Variants in NOM1 observed in about 807,000 individuals in gnomAD.
NOM1 encodes nucleolar MIF4G domain-containing protein 1.
Under a neutral mutation model 73.3 loss-of-function variants are expected in NOM1, and 58 were observed. That is an observed-to-expected ratio of 0.79 (90% confidence interval 0.64 to 0.99). The LOEUF (loss-of-function observed/expected upper bound fraction) is 0.99, where lower values mean the gene tolerates loss of function less well. Ranked by LOEUF, NOM1 falls within the 50% of genes least tolerant of loss-of-function variation. NOM1 has a pLI of 0.00. For synonymous variants in NOM1, 487 were observed against 446.8 expected (o/e 1.09, Z -1.14); for missense variants, 1,226 against 1,131.9 (o/e 1.08, Z -1.19).
At chr7:156,968,471 C>T (rs1034981447) in intron 9 of NOM1, among the ~76,000 whole-genome samples, 1 of 152,086 alleles carries the variant, frequency 6.6e-6, no homozygotes, top group African/African-American at 2.4e-5. Context: ...ATTCCCGTCA[C>T]CATGCGTTTA....
chr7:156,957,789 A>G (rs146370097), intron 3 of NOM1, among the ~76,000 whole-genome samples: 59,259 of 133,960 alleles, frequency 0.44, 12,679 homozygotes, highest in Middle Eastern at 0.61. Context: ...AAAAAAAAAA[A>G]AAAAAAAAAA....
chr7:156,952,410 C>T, intron 1 of NOM1, 64 bp from the exon 2 acceptor site: 2 of 1,548,692 alleles, frequency 1.3e-6, no homozygotes, highest in South Asian at 2.4e-5. Flanking sequence ...ACACATATGG[C>T]AAAGAAAAAA....
rs1805165315 is a variant in NOM1, at chr7:156,972,569, A to G, written c.*2866A>G. On this transcript the variant is annotated 3_prime_UTR_variant, in exon 11 of 11. Coordinates refer to ENST00000275820, the MANE Select transcript of NOM1 (RefSeq NM_138400.2). ...CATACAGGGCTGGGCACGGTGGCTC[A>G]CGCCTGTAATCCCAGCACTTTGGGA... 6.6e-6 allele frequency: 1 copy of G among 152,304 alleles called. No individual in the cohort carries two copies. Among genetic ancestry groups the G allele is most frequent in the Non-Finnish European group, 1.5e-5 (1 of 68,096 alleles). The allele number at this position is 152,304 out of a possible 1,614,324, so 9.4% of individuals were successfully genotyped here. A position where few individuals can be genotyped will look rare whatever the true frequency, so the allele number is the denominator to read the frequency against.
rs376182769 is a variant in NOM1, at chr7:156,950,052, A to C, written c.315A>C (p.Glu105Asp). 2.1e-3 allele frequency: 3,207 copies of C among 1,543,442 alleles called. 55 individuals are homozygous for C. The African/African-American group carries it at 0.038, about 18-fold the overall frequency. Residue 105 changes from glutamate (E) to aspartate (D), a missense_variant, in exon 1 of 11, where the codon GAA becomes GAC. Transcript: ENST00000275820. ...GGCTGCAGAGGACGGCGGGCCCCGA[A>C]CAGGGTCCCGGCCTGGGAGGCCGAA... Reference protein sequence around the residue: ...ARRLQRTAGPEQGPGLGGRSG... With the variant: ...ARRLQRTAGPDQGPGLGGRSG...
chr7:156,955,698 G>A (rs1362862756), intron 3 of NOM1, among the ~76,000 whole-genome samples: 6 of 152,224 alleles, frequency 3.9e-5, no homozygotes, highest in Non-Finnish European at 7.3e-5. Flanking sequence ...CAAAGCCGCT[G>A]AAGCGCTATG....
rs1364827616 is a variant in NOM1 at position 156,964,013 on chromosome 7, GA to G, written c.2024del (p.Lys675SerfsTer3). On this transcript the variant is annotated frameshift_variant, in exon 7 of 11. Transcript: ENST00000275820. LOFTEE classifies it high-confidence loss of function. The part of the protein sequence containing the change: ...MTSEDFLDAF[E>X]KLLKLGLKDQ... Reference sequence around the variant, plus strand: ...AAGTGAAGATTTTTTGGATGCTTTTGAAAAGCTTCTGAAGTAAGCATTTGTG... The same window carrying G: ...AAGTGAAGATTTTTTGGATGCTTTTGAAAGCTTCTGAAGTAAGCATTTGTG... 6.2e-7 allele frequency: 1 copy of G among 1,613,650 alleles called. No individual in the cohort carries two copies. The highest frequency in any genetic ancestry group is 1.7e-5 in the Admixed American group (1 of 59,924).
chr7:156,954,495 TAACTTTGC>T (rs747680584), intron 3 of NOM1, among the ~76,000 whole-genome samples, 197 bp downstream of exon 3: 1 of 35,892 alleles, frequency 2.8e-5, no homozygotes, highest in African/African-American at 1.0e-4. Flanking sequence ...TGATTTTGCT[TAACTTTGC>T]TTTTTTGTTC....
In NOM1 at chr7:156,950,494, A is replaced by G. The variant is rs370964359; in HGVS notation, c.757A>G (p.Ser253Gly). The change falls in exon 1 of 11, where the codon AGT (serine) becomes GGT (glycine). Residue 253 changes from serine to glycine, a missense_variant. Ser to Gly is a moderately conservative substitution (Grantham distance 56). Transcript: ENST00000275820. ...GACACTCCCCGAAAGTGACTTAGAGAGTGACTCCCAGGACGAAAGTGAGGA... is the reference window on the plus strand; with the variant it reads ...GACACTCCCCGAAAGTGACTTAGAGGGTGACTCCCAGGACGAAAGTGAGGA... ...GQTLPESDLE[S>G]DSQDESEEEE... The G allele has an allele frequency of 9.9e-5, 160 of 1,613,776 alleles. No individual in the cohort carries two copies. Among genetic ancestry groups the G allele is most frequent in the Non-Finnish European group, 1.3e-4 (154 of 1,179,874 alleles).
Position 156,963,053 on chromosome 7 carries a change from T to C in NOM1, c.1789T>C (p.Trp597Arg). ...TTCTGAGACGCAGCTTCGCGTCTCCTGGGACAGTGTCTTGAGTGCGGAGCA... is the reference window on the plus strand; with the variant it reads ...TTCTGAGACGCAGCTTCGCGTCTCCCGGGACAGTGTCTTGAGTGCGGAGCA... ...SGSETQLRVS[W>R]DSVLSAEQTG... Residue 597 changes from tryptophan to arginine, a missense_variant, in exon 6 of 11, where the codon TGG (tryptophan) becomes CGG (arginine). By Grantham distance (101) the Trp-to-Arg change is moderately radical (BLOSUM62 -3). Transcript: ENST00000275820. 1 of 1,614,200 alleles carries C rather than the reference T, an allele frequency of 6.2e-7. No individual in the cohort carries two copies. Among genetic ancestry groups the C allele is most frequent in the South Asian group, 1.1e-5 (1 of 91,080 alleles).
intron 8 of NOM1, 118 bp downstream of exon 8, chr7:156,966,520 C>CA: frequency 1.7e-6 from 2 of 1,205,962 alleles, no homozygotes; most frequent in African/African-American, 3.0e-5. Context: ...ATATCCCCGT[C>CA]ACCTGGTCCA....
At chr7:156,951,047 T>C (rs1370716230) in intron 1 of NOM1, among the ~76,000 whole-genome samples, 1 of 152,188 alleles carries the variant, frequency 6.6e-6, no homozygotes, top group East Asian at 1.9e-4. Flanking sequence ...AAGGCCTCTT[T>C]CGAGTATCCG....
chr7:156,953,530 C>G (rs1172939521), intron 2 of NOM1, among the ~76,000 whole-genome samples: 1 of 151,950 alleles, frequency 6.6e-6, no homozygotes, highest in East Asian at 1.9e-4. Flanking sequence ...GCCTCACCCA[C>G]CCCCTTCCCC....
At position 156,954,296 on chromosome 7, in the gene NOM1, G is replaced by A. The variant is rs776387070; in HGVS notation, c.1306G>A (p.Glu436Lys). The A allele has an allele frequency of 4.2e-5, 66 of 1,586,314 alleles. No individual in the cohort carries two copies. The highest frequency in any genetic ancestry group is 9.1e-5 in the South Asian group (8 of 87,726). Residue 436 changes from glutamate (E) to lysine (K), a missense_variant and splice_region_variant, in exon 3 of 11, where the codon GAG becomes AAG. Coordinates refer to ENST00000275820, the MANE Select transcript of NOM1 (RefSeq NM_138400.2). ...VSILHHTVGI[E>K]VGAHFLEAVV... ...CATCCTTCACCACACAGTTGGAATC[G>A]AGGTACAGTTGTACCTTTTCTCCAG...
intron 5 of NOM1, among the ~76,000 whole-genome samples, chr7:156,962,761 C>G (rs1390510998): frequency 6.6e-6 from 1 of 152,174 alleles, no homozygotes; most frequent in African/African-American, 2.4e-5. Flanking sequence ...AGCTCTGTTA[C>G]TCTCTCCTGT....
intron 10 of NOM1, among the ~76,000 whole-genome samples, 163 bp from the exon 11 acceptor site, chr7:156,969,366 A>G (rs555765195): frequency 1.3e-5 from 2 of 152,318 alleles, no homozygotes; most frequent in African/African-American, 4.8e-5. Context: ...GTCTGCTAGC[A>G]AACTAACAAT....
chr7:156,966,315 C>T lies in NOM1; in HGVS notation c.2079C>T (p.Leu693=). 1.2e-6 allele frequency: 2 copies of T among 1,614,204 alleles called. No individual in the cohort carries two copies. Among genetic ancestry groups the T allele is most frequent in the Non-Finnish European group, 8.5e-7 (1 of 1,180,036 alleles). Reference sequence around the variant, plus strand: ...AGGAGAGAGAAATCATTCACGTTCTCATGGATTGCTGCCTTCAAGAGAAAA... The same window carrying T: ...AGGAGAGAGAAATCATTCACGTTCTTATGGATTGCTGCCTTCAAGAGAAAA... ...DQQEREIIHV[L]MDCCLQEKTY... Residue 693 remains leucine, a synonymous_variant, in exon 8 of 11, where the codon CTC becomes CTT. Coordinates refer to ENST00000275820, the MANE Select transcript of NOM1 (RefSeq NM_138400.2).
At chr7:156,963,278 C>A (rs757422016) in intron 6 of NOM1, 103 bp downstream of exon 6, 1 of 1,204,816 alleles carries the variant, frequency 8.3e-7, no homozygotes, top group Admixed American at 1.8e-5. Context: ...CTTGAATGGT[C>A]ACTGAAATGT....
chr7:156,954,614 C>G (rs960150931), intron 3 of NOM1, among the ~76,000 whole-genome samples: 1 of 148,942 alleles, frequency 6.7e-6, no homozygotes, highest in Non-Finnish European at 1.5e-5. Flanking sequence ...TCGAGTGATC[C>G]TCCCACCTCA....
chr7:156,963,101 G>A lies in NOM1; in HGVS notation c.1837G>A (p.Gly613Arg). 1 of 1,614,206 alleles carries A rather than the reference G, an allele frequency of 6.2e-7. No homozygotes were observed. The highest frequency in any genetic ancestry group is 8.5e-7 in the Non-Finnish European group (1 of 1,180,038). The change falls in exon 6 of 11, where the codon GGG becomes AGG. Residue 613 changes from glycine (G) to arginine (R), a missense_variant. Physicochemically the swap from Gly to Arg is moderately radical, Grantham distance 125. Coordinates refer to ENST00000275820, the MANE Select transcript of NOM1 (RefSeq NM_138400.2). ...GCAGACGGGTCGCTGGTGGATTGTG[G>A]GGTCCGCCTGGAGTGGGGCCCCGAT... ...AEQTGRWWIV[G>R]SAWSGAPMID...
Sources: gnomAD v4.1 joint callset for allele counts (sites outside exome capture counted in the v4.1 genomes callset) on GRCh38, gnomAD v4.1.1 for gene constraint, MANE v1.5 for transcripts, NCBI Gene and HGNC (gene_info 2026-07-23, HGNC 2026-07-21) for gene names.